CDK14: variants seen among roughly 807,000 people sequenced by gnomAD.
CDK14 encodes cyclin dependent kinase 14, also known as cyclin-dependent kinase 14.
A neutral mutation model predicts 60.7 loss-of-function variants in CDK14; 34 were observed. That is an observed-to-expected ratio of 0.56 (90% CI 0.43 to 0.75). The LOEUF is 0.75. Among genes scored for constraint, CDK14 ranks in the 30% least tolerant of loss-of-function variants. The pLI is 0.00. For synonymous variants in CDK14, 197 were observed against 203.7 expected (o/e 0.97, Z 0.28); for missense variants, 482 against 564.1 (o/e 0.85, Z 1.47).
chr7:91,077,450 A>G (rs565892201), intron 11 of CDK14, among the ~76,000 whole-genome samples: 12 of 152,022 alleles, frequency 7.9e-5, no homozygotes, highest in South Asian at 2.1e-4. Context: ...ATGTGAACAT[A>G]TGGACACAGC....
At chr7:90,709,059 A>G (rs1002944719) in intron 2 of CDK14, among the ~76,000 whole-genome samples, 2 of 151,974 alleles carry the variant, frequency 1.3e-5, no homozygotes, top group Non-Finnish European at 2.9e-5. Flanking sequence ...TTTATTTTTC[A>G]GAATGGTATG....
chr7:90,752,338 TA>T (rs1386224549), intron 4 of CDK14, among the ~76,000 whole-genome samples: 3 of 151,408 alleles, frequency 2.0e-5, no homozygotes, highest in Non-Finnish European at 4.4e-5. Flanking sequence ...CACAGTGGAA[TA>T]AAAATAAGAA....
At chr7:90,979,959 ATT>A (rs10716810) in intron 9 of CDK14, among the ~76,000 whole-genome samples, 2 of 151,766 alleles carry the variant, frequency 1.3e-5, no homozygotes, top group Admixed American at 6.6e-5. Context: ...TTCTATAGCC[ATT>A]TTTTTAGTTA....
At chr7:90,625,831 T>C (rs1273440582) in intron 2 of CDK14, among the ~76,000 whole-genome samples, 1 of 152,238 alleles carries the variant, frequency 6.6e-6, no homozygotes, top group Non-Finnish European at 1.5e-5. Context: ...TTAGCTACTT[T>C]GCTTTTCTTC....
At chr7:90,893,731 A>G (rs1562816612) in intron 6 of CDK14, among the ~76,000 whole-genome samples, 1 of 152,206 alleles carries the variant, frequency 6.6e-6, no homozygotes, top group Non-Finnish European at 1.5e-5. Context: ...GAGGGAAAAC[A>G]AACTGTTTTT....
intron 2 of CDK14, among the ~76,000 whole-genome samples, chr7:90,706,631 C>A (rs1801902370): frequency 3.3e-5 from 5 of 152,130 alleles, no homozygotes; most frequent in Non-Finnish European, 1.5e-5. Flanking sequence ...TCTGAAGAGG[C>A]AATACCTGAG....
rs551786255 is a variant in CDK14 at position 90,955,734 on chromosome 7, C to A, written c.864C>A (p.Tyr288Ter). 1 of 1,613,500 alleles carries A rather than the reference C, an allele frequency of 6.2e-7. No individual in the cohort carries two copies. The highest frequency in any genetic ancestry group is 8.5e-7 in the Non-Finnish European group (1 of 1,179,482). ...CAAAATCCGTCCCTAGCCACACATA[C>A]TCCAACGAAGTGGTTACCTTGTGGT... is the stretch of plus-strand genomic sequence containing the variant. ...ARAKSVPSHT[Y>*]SNEVVTLWYR... The change falls in exon 9 of 15, where the codon TAC becomes TAA. Residue 288 changes from tyrosine to a stop codon, truncating the protein, a stop_gained. Transcript: ENST00000380050. LOFTEE classifies it high-confidence loss of function.
At chr7:90,937,305 A>G (rs1055950247) in intron 8 of CDK14, among the ~76,000 whole-genome samples, 5 of 152,186 alleles carry the variant, frequency 3.3e-5, no homozygotes, top group Non-Finnish European at 7.4e-5. Flanking sequence ...TTATCCAACT[A>G]TAAAAATGAG....
At position 90,607,229 on chromosome 7, in the gene CDK14, T is replaced by G. The variant is rs1799438000; in HGVS notation, c.123+2980T>G. On this transcript the variant is annotated intron_variant, in intron 2 of 14. Coordinates refer to ENST00000380050, the MANE Select transcript of CDK14 (RefSeq NM_001287135.2). ...AGTAGAAATTTTTTTGAACGCTTGT[T>G]TTTTACCTTCTCTCTCCTGGAGCTG... Among the ~76,000 whole-genome samples the G allele has an allele frequency of 3.9e-5, 6 of 152,220 alleles. 1 individual carries two copies. In the South Asian group the frequency reaches 1.2e-3, roughly 31 times the overall value.
At chr7:90,912,662 C>T (rs1388852194) in intron 7 of CDK14, among the ~76,000 whole-genome samples, 2 of 152,178 alleles carry the variant, frequency 1.3e-5, no homozygotes, top group Non-Finnish European at 2.9e-5. Flanking sequence ...GGCTGGAATG[C>T]AGTGGTGTGA....
At chr7:91,175,309 C>T (rs1292195179) in intron 14 of CDK14, among the ~76,000 whole-genome samples, 1 of 151,994 alleles carries the variant, frequency 6.6e-6, no homozygotes, top group Admixed American at 6.6e-5. Flanking sequence ...CTGAAGGAAG[C>T]ACTAAACATG....
At chr7:91,038,360 A>G (rs189167986) in intron 10 of CDK14, among the ~76,000 whole-genome samples, 1 of 152,372 alleles carries the variant, frequency 6.6e-6, no homozygotes, top group East Asian at 1.9e-4. Context: ...AGGAATATAA[A>G]GTAAACAAAA....
chr7:90,951,106 A>C lies in CDK14; in HGVS notation c.827-4591A>C, dbSNP rs142312189. 7.0e-4 allele frequency among the ~76,000 whole-genome samples: 106 copies of C among 152,304 alleles called. 1 individual carries two copies. Among genetic ancestry groups the C allele is most frequent in the African/African-American group, 2.4e-3 (101 of 41,572 alleles). Reference sequence around the variant, plus strand: ...CCAAAAGCCTTCACCCCGTGGACTGATTCATGGAATAGAGAAGGCCTCAAG... The same window carrying C: ...CCAAAAGCCTTCACCCCGTGGACTGCTTCATGGAATAGAGAAGGCCTCAAG... On this transcript the variant is annotated intron_variant, in intron 8 of 14. Transcript: ENST00000380050.
At chr7:90,936,514 C>T (rs1165822532) in intron 8 of CDK14, among the ~76,000 whole-genome samples, 1 of 152,080 alleles carries the variant, frequency 6.6e-6, no homozygotes, top group Non-Finnish European at 1.5e-5. Context: ...TCTCCTATAG[C>T]TTTTTATCTC....
At chr7:90,941,685 G>A (rs1002178820) in intron 8 of CDK14, among the ~76,000 whole-genome samples, 3 of 151,886 alleles carry the variant, frequency 2.0e-5, no homozygotes, top group Admixed American at 6.6e-5. Flanking sequence ...AACTCTTGGG[G>A]GCCAGCAGTC....
At chr7:91,149,072 C>T (rs1800747075) in intron 14 of CDK14, among the ~76,000 whole-genome samples, 2 of 152,072 alleles carry the variant, frequency 1.3e-5, no homozygotes, top group South Asian at 4.2e-4. Context: ...CAATTTTGCC[C>T]TGTTGAGAAA....
At chr7:90,682,642 A>G (rs913151296) in intron 2 of CDK14, among the ~76,000 whole-genome samples, 1 of 152,164 alleles carries the variant, frequency 6.6e-6, no homozygotes, top group Non-Finnish European at 1.5e-5. Flanking sequence ...TTTGTTTTCC[A>G]ATTCTGTCAG....
chr7:90,879,025 C>G (rs527675138), intron 6 of CDK14, among the ~76,000 whole-genome samples: 86 of 152,350 alleles, frequency 5.6e-4, no homozygotes, highest in Non-Finnish European at 4.3e-4. Context: ...GAATATGTCT[C>G]TCTTCCCTAT....
intron 4 of CDK14, among the ~76,000 whole-genome samples, chr7:90,775,624 TCC>T (rs1804995302): frequency 2.4e-5 from 2 of 83,208 alleles, no homozygotes. Context: ...TACCTCCTCC[TCC>T]CCCTCCCCCT....
Sources: allele counts gnomAD v4.1 joint callset (sites outside exome capture counted in the v4.1 genomes callset), GRCh38; gene constraint gnomAD v4.1.1; transcripts MANE v1.5; gene names NCBI Gene and HGNC (gene_info 2026-07-23, HGNC 2026-07-21).